XPNPEP1: variants seen among roughly 807,000 people sequenced by gnomAD.
The protein encoded by XPNPEP1 is X-prolyl aminopeptidase 1.
A neutral mutation model predicts 92.4 loss-of-function variants in XPNPEP1; 39 were observed. The ratio of observed to expected loss-of-function variants is 0.42; its 90% CI spans 0.33 to 0.55. XPNPEP1 has a LOEUF of 0.55. Ranked by LOEUF, XPNPEP1 falls within the 20% of genes least tolerant of loss-of-function variation. The pLI is 0.08. For missense variants in XPNPEP1, 654 were observed against 856.1 expected (o/e 0.76, Z 2.95); for synonymous variants, 307 against 299.4 (o/e 1.03, Z -0.26).
Position 109,880,213 on chromosome 10 carries a change from T to A in XPNPEP1, c.1157A>T (p.Glu386Val). ...AHIKDAVALC[E>V]LFNWLEKEVP... ...CTCTTTCTCCAGCCAGTTAAAGAGTTCACAGAGAGCAACAGCATCTTTAAT... is the reference window on the plus strand; with the variant it reads ...CTCTTTCTCCAGCCAGTTAAAGAGTACACAGAGAGCAACAGCATCTTTAAT... The change falls in exon 12 of 21, where the codon GAA becomes GTA. Residue 386 changes from glutamate (E) to valine (V), a missense_variant. Coordinates refer to ENST00000502935, the MANE Select transcript of XPNPEP1 (RefSeq NM_020383.4). The A allele has an allele frequency of 6.2e-7, 1 of 1,614,030 alleles. No individual in the cohort carries two copies. The highest frequency in any genetic ancestry group is 2.2e-5 in the East Asian group (1 of 44,892).
intron 3 of XPNPEP1, among the ~76,000 whole-genome samples, chr10:109,907,431 C>G (rs1849614052): frequency 6.6e-6 from 1 of 152,208 alleles, no homozygotes; most frequent in Admixed American, 6.5e-5. Context: ...AGTATGCCAG[C>G]AACAGAAAGT....
At chr10:109,881,085 G>A (rs1487031517) in intron 10 of XPNPEP1, among the ~76,000 whole-genome samples, 154 bp from the exon 11 acceptor site, 1 of 152,154 alleles carries the variant, frequency 6.6e-6, no homozygotes, top group Non-Finnish European at 1.5e-5. Context: ...GGGCCCCAAC[G>A]ACCTGTCCCT....
chr10:109,871,850 T>G lies in XPNPEP1; in HGVS notation c.1464A>C (p.Thr488=), dbSNP rs769250222. ...TPTAYEKECF[T]YVLKGHIAVS... Reference sequence around the variant, plus strand: ...CAGCTATGTGGCCCTTGAGGACATATGTGAAGCATTCCTGCAAAGAAAACC... The same window carrying G: ...CAGCTATGTGGCCCTTGAGGACATAGGTGAAGCATTCCTGCAAAGAAAACC... Residue 488 remains threonine, a synonymous_variant, in exon 17 of 21, where the codon ACA becomes ACC. Transcript: ENST00000502935. The G allele has an allele frequency of 3.7e-6, 6 of 1,613,904 alleles. No individual in the cohort carries two copies. In the Admixed American group the frequency reaches 1.0e-4, roughly 27 times the overall value.
At chr10:109,880,087 T>C (rs1848005988) in intron 12 of XPNPEP1, 101 bp downstream of exon 12, 7 of 1,186,870 alleles carry the variant, frequency 5.9e-6, no homozygotes, top group Non-Finnish European at 6.1e-6. Flanking sequence ...AGATCTCAGA[T>C]CTCATGGTCA....
intron 3 of XPNPEP1, among the ~76,000 whole-genome samples, chr10:109,902,860 G>A (rs926693225): frequency 6.6e-6 from 1 of 152,224 alleles, no homozygotes; most frequent in Non-Finnish European, 1.5e-5. Flanking sequence ...GATATTGCAG[G>A]ATCATTAGTA....
chr10:109,889,158 G>A (rs958381967), intron 5 of XPNPEP1, among the ~76,000 whole-genome samples: 48 of 152,192 alleles, frequency 3.2e-4, no homozygotes, highest in African/African-American at 1.1e-3. Context: ...AGATCTTTCC[G>A]AAGATTTTAA....
intron 18 of XPNPEP1, among the ~76,000 whole-genome samples, 156 bp from the exon 19 acceptor site, chr10:109,870,185 T>C (rs1589541408): frequency 6.6e-6 from 1 of 152,254 alleles, no homozygotes; most frequent in Middle Eastern, 3.4e-3. Context: ...GATGCCACCT[T>C]CTCTCATATG....
chr10:109,909,324 A>C (rs1369601124), intron 2 of XPNPEP1, among the ~76,000 whole-genome samples: 1 of 152,198 alleles, frequency 6.6e-6, no homozygotes, highest in Non-Finnish European at 1.5e-5. Context: ...AAGGTTTTCA[A>C]ACGAAGTCCC....
intron 1 of XPNPEP1, among the ~76,000 whole-genome samples, chr10:109,921,070 C>G (rs956023587): frequency 6.6e-6 from 1 of 152,176 alleles, no homozygotes; most frequent in Admixed American, 6.5e-5. Context: ...CTTGTCGTAT[C>G]TTGGTCTCCG....
intron 19 of XPNPEP1, 113 bp from the exon 20 acceptor site, chr10:109,868,825 A>G (rs935865328): frequency 3.2e-6 from 3 of 945,524 alleles, no homozygotes; most frequent in African/African-American, 1.6e-5. Flanking sequence ...CTGGGAGCCA[A>G]GAAGTGGTGA....
In XPNPEP1 at chr10:109,868,668, T is replaced by C. The variant is rs773836430; in HGVS notation, c.1818A>G (p.Thr606=). 7 of 1,613,906 alleles carry C rather than the reference T, an allele frequency of 4.3e-6. No individual in the cohort carries two copies. In the Admixed American group the frequency reaches 1.2e-4, roughly 27 times the overall value. Residue 606 remains threonine, a synonymous_variant, in exon 20 of 21, where the codon ACA becomes ACG. Coordinates refer to ENST00000502935, the MANE Select transcript of XPNPEP1 (RefSeq NM_020383.4). The stretch of plus-strand genomic sequence containing the variant: ...TCATTTTGGTCTGAATTGGAACCAA[T>C]GTTAGAGGTTCAAAGGTCAGGCTTC... ...NRGSLTFEPL[T]LVPIQTKMID...
chr10:109,880,670 A>C (rs1478303808), intron 11 of XPNPEP1, among the ~76,000 whole-genome samples, 172 bp downstream of exon 11: 1 of 152,154 alleles, frequency 6.6e-6, no homozygotes, highest in Non-Finnish European at 1.5e-5. Context: ...GTAAAGATCT[A>C]ATCCATCAAG....
intron 1 of XPNPEP1, among the ~76,000 whole-genome samples, chr10:109,922,697 T>C (rs575098906): frequency 1.3e-5 from 2 of 152,318 alleles, no homozygotes; most frequent in East Asian, 3.9e-4. Context: ...TGAACACCTC[T>C]CTCCGTCTCC....
chr10:109,874,918 C>T (rs1847695797), intron 15 of XPNPEP1, among the ~76,000 whole-genome samples: 1 of 152,200 alleles, frequency 6.6e-6, no homozygotes, highest in East Asian at 1.9e-4. Flanking sequence ...CACTGCACTC[C>T]TGCCTGGGCT....
At chr10:109,911,077 C>A (rs1849843556) in intron 2 of XPNPEP1, among the ~76,000 whole-genome samples, 1 of 152,212 alleles carries the variant, frequency 6.6e-6, no homozygotes, top group South Asian at 2.1e-4. Flanking sequence ...TATGGGGTAC[C>A]ATACTGATCT....
chr10:109,880,307 C>T (rs1589564394), intron 11 of XPNPEP1, 69 bp from the exon 12 acceptor site: 2 of 1,523,910 alleles, frequency 1.3e-6, no homozygotes, highest in East Asian at 2.2e-5. Flanking sequence ...AGAGCCTAGC[C>T]CTAATGCAAT....
In XPNPEP1 at chr10:109,916,494, C is replaced by T. The variant is rs569702759; in HGVS notation, c.33-1395G>A. ...TGAACTCAATTAAGTTATAATTTAA[C>T]CGCATTTTTACATGTTGGTAAAGAC... is the stretch of plus-strand genomic sequence containing the variant. On this transcript the variant is annotated intron_variant, in intron 1 of 20. Transcript: ENST00000502935. Among the ~76,000 whole-genome samples, 13 of 152,280 alleles carry T rather than the reference C, an allele frequency of 8.5e-5. No individual in the cohort carries two copies. The South Asian group carries it at 2.7e-3, about 32-fold the overall frequency.
chr10:109,891,883 G>A (rs1848724575), intron 4 of XPNPEP1, 57 bp from the exon 5 acceptor site: 2 of 1,563,332 alleles, frequency 1.3e-6, no homozygotes, highest in African/African-American at 2.7e-5. Flanking sequence ...CTGCTCAGAA[G>A]CTGCACAAAA....
intron 17 of XPNPEP1, 165 bp from the exon 18 acceptor site, chr10:109,871,069 G>A: frequency 1.3e-6 from 1 of 756,580 alleles, no homozygotes; most frequent in Admixed American, 3.3e-5. Flanking sequence ...CAGAGCTCCT[G>A]AGAAACCATC....
Sources: allele counts gnomAD v4.1 joint callset (sites outside exome capture counted in the v4.1 genomes callset), GRCh38; gene constraint gnomAD v4.1.1; transcripts MANE v1.5; gene names NCBI Gene and HGNC (gene_info 2026-07-23, HGNC 2026-07-21).